The following LIPK variants were observed in gnomAD, a reference collection of about 807,000 sequenced individuals.
LIPK encodes lipase member K.
LIPK carries 32 observed loss-of-function variants against 48.6 expected under a neutral mutation model. That is an observed-to-expected ratio of 0.66 (90% CI 0.50 to 0.88). The LOEUF is 0.88. LIPK is among the 40% of genes least tolerant of loss of function. The pLI is 0.00. For missense variants in LIPK, 507 were observed against 478.5 expected, an observed-to-expected ratio of 1.06 and a Z score of -0.56; for synonymous variants, 164 against 157.4, an observed-to-expected ratio of 1.04 and a Z score of -0.32.
chr10:88,713,594 T>C (rs921436823), intron 1 of LIPK, among the ~76,000 whole-genome samples: 1 of 152,164 alleles, frequency 6.6e-6, no homozygotes, highest in Non-Finnish European at 1.5e-5. Context: ...TTAGATATAG[T>C]GGGTTTTGTG....
At chr10:88,713,093 A>G (rs531223524) in intron 1 of LIPK, among the ~76,000 whole-genome samples, 1 of 152,318 alleles carries the variant, frequency 6.6e-6, no homozygotes, top group South Asian at 2.1e-4. Context: ...AGGTGGTTAC[A>G]TCTGTAGACT....
At chr10:88,750,752 A>T (rs995008815) in intron 9 of LIPK, among the ~76,000 whole-genome samples, 2 of 152,050 alleles carry the variant, frequency 1.3e-5, no homozygotes, top group African/African-American at 4.8e-5. Flanking sequence ...CCTCCATGAT[A>T]TGCAATTTAC....
At chr10:88,714,540 T>C (rs1253041796) in intron 1 of LIPK, among the ~76,000 whole-genome samples, 1 of 152,192 alleles carries the variant, frequency 6.6e-6, no homozygotes, top group Middle Eastern at 3.2e-3. Flanking sequence ...TCCATGCACG[T>C]GGAAATATTT....
chr10:88,706,591 G>A (rs570294399), intron 1 of LIPK, among the ~76,000 whole-genome samples: 68 of 152,154 alleles, frequency 4.5e-4, no homozygotes, highest in African/African-American at 1.5e-3. Flanking sequence ...GGTATCACAA[G>A]TCTACACTTG....
intron 7 of LIPK, 39 bp downstream of exon 7, chr10:88,737,820 T>G: frequency 6.2e-7 from 1 of 1,607,802 alleles, no homozygotes. Context: ...ACATTTGTTT[T>G]GTTGCACAGA....
At chr10:88,728,624 CGA>C (rs1842396417) in intron 3 of LIPK, 1 of 486,428 alleles carries the variant, frequency 2.1e-6, no homozygotes. Flanking sequence ...CCTTGGGCAT[CGA>C]GAGCGCCACC....
chr10:88,706,415 T>C (rs1841936110), intron 1 of LIPK, among the ~76,000 whole-genome samples, 95 bp downstream of exon 1: 1 of 152,190 alleles, frequency 6.6e-6, no homozygotes, highest in Non-Finnish European at 1.5e-5. Flanking sequence ...ATGTTGATGA[T>C]GAATATTGTA....
At chr10:88,742,508 A>G (rs1417082725) in intron 8 of LIPK, among the ~76,000 whole-genome samples, 2 of 152,268 alleles carry the variant, frequency 1.3e-5, no homozygotes, top group African/African-American at 2.4e-5. Flanking sequence ...TGTCAAAATT[A>G]TCTGCCTCAT....
chr10:88,727,890 C>G, intron 3 of LIPK: 1 of 374,344 alleles, frequency 2.7e-6, no homozygotes, highest in Non-Finnish European at 5.2e-6. Context: ...ATGCTGGAGA[C>G]CATGTGGAGC....
intron 6 of LIPK, among the ~76,000 whole-genome samples, chr10:88,737,335 C>T (rs1414927093): frequency 6.6e-6 from 1 of 152,070 alleles, no homozygotes; most frequent in Non-Finnish European, 1.5e-5. Context: ...AGGTATAGAA[C>T]GTGTTTGAAT....
chr10:88,732,062 C>A, intron 4 of LIPK, 116 bp from the exon 5 acceptor site: 1 of 640,778 alleles, frequency 1.6e-6, no homozygotes. Flanking sequence ...CATATATCGA[C>A]ACTAGTCTTA....
At chr10:88,733,668 T>C (rs1310606846) in intron 6 of LIPK, among the ~76,000 whole-genome samples, 1 of 152,218 alleles carries the variant, frequency 6.6e-6, no homozygotes, top group Non-Finnish European at 1.5e-5. Flanking sequence ...GCTTAATTAT[T>C]TCAGTATTCC....
chr10:88,719,742 T>C (rs1247461845), intron 1 of LIPK, among the ~76,000 whole-genome samples: 6 of 152,306 alleles, frequency 3.9e-5, no homozygotes, highest in African/African-American at 1.4e-4. Flanking sequence ...TGGTTAAGAA[T>C]GCTCTCCAAG....
chr10:88,738,010 G>A (rs574027705), intron 7 of LIPK, among the ~76,000 whole-genome samples: 5 of 152,296 alleles, frequency 3.3e-5, no homozygotes, highest in South Asian at 4.1e-4. Context: ...TACCCGAAAC[G>A]TCCTTCGCTT....
intron 2 of LIPK, among the ~76,000 whole-genome samples, chr10:88,725,243 G>C (rs1842313494): frequency 6.6e-6 from 1 of 152,032 alleles, no homozygotes; most frequent in Non-Finnish European, 1.5e-5. Flanking sequence ...AACTGCCAAA[G>C]TTTTTTTTCA....
At chr10:88,736,703 C>T (rs747646196) in intron 6 of LIPK, among the ~76,000 whole-genome samples, 3 of 152,092 alleles carry the variant, frequency 2.0e-5, no homozygotes, top group East Asian at 1.9e-4. Context: ...AATTAAAATA[C>T]GGTGTTAAGA....
chr10:88,749,862 G>T (rs981264065), intron 9 of LIPK, among the ~76,000 whole-genome samples: 1 of 139,552 alleles, frequency 7.2e-6, no homozygotes. Context: ...AATAGAGGAA[G>T]CAGACAACCT....
intron 1 of LIPK, among the ~76,000 whole-genome samples, chr10:88,709,205 G>C (rs1289867969): frequency 6.6e-6 from 1 of 152,120 alleles, no homozygotes; most frequent in Admixed American, 6.6e-5. Flanking sequence ...GAGAAACCAT[G>C]TTTACATAAT....
intron 2 of LIPK, among the ~76,000 whole-genome samples, chr10:88,725,846 C>T (rs1461085191): frequency 2.6e-5 from 4 of 152,208 alleles, no homozygotes; most frequent in East Asian, 1.9e-4. Flanking sequence ...TAACACCTTT[C>T]TCTCTGCCCA....
Sources: gnomAD v4.1 joint callset for allele counts (sites outside exome capture counted in the v4.1 genomes callset) on GRCh38, gnomAD v4.1.1 for gene constraint, MANE v1.5 for transcripts, NCBI Gene and HGNC (gene_info 2026-07-23, HGNC 2026-07-21) for gene names.